ANTXR2: variants seen among roughly 807,000 people sequenced by gnomAD.
ANTXR2 encodes the protein anthrax toxin receptor 2.
Under a neutral mutation model 73.7 loss-of-function variants are expected in ANTXR2, and 44 were observed. The observed-to-expected ratio is 0.60, with a 90% CI of 0.47 to 0.77. The LOEUF is 0.77. ANTXR2 is among the 30% of genes least tolerant of loss of function. ANTXR2 has a pLI of 0.00. For missense variants in ANTXR2, 604 were observed against 592.5 expected (o/e 1.02, Z -0.20); for synonymous variants, 217 against 205.9 (o/e 1.05, Z -0.46).
rs904881756 is a variant in ANTXR2 at position 79,905,115 on chromosome 4, C to T, written c.*2314G>A. ...TTCATAGTAGCTGTATAACAATCTA[C>T]AGAAAGTTATTTTTCCATTTAAAGG... is the stretch of plus-strand genomic sequence containing the variant. On this transcript the variant is annotated 3_prime_UTR_variant, in exon 17 of 17. Coordinates refer to ENST00000403729, the MANE Select transcript of ANTXR2 (RefSeq NM_058172.6). The T allele has an allele frequency of 6.6e-6, 1 of 152,122 alleles. No individual in the cohort carries two copies. Among genetic ancestry groups the T allele is most frequent in the Non-Finnish European group, 1.5e-5 (1 of 68,002 alleles). The allele number at this position is 152,122 out of a possible 1,614,324, so 9.4% of individuals were successfully genotyped here.
At chr4:80,012,690 T>C (rs1303313046) in intron 11 of ANTXR2, among the ~76,000 whole-genome samples, 1 of 152,178 alleles carries the variant, frequency 6.6e-6, no homozygotes, top group Non-Finnish European at 1.5e-5. Flanking sequence ...ATAGCATTTA[T>C]CAGACTGCAA....
At chr4:79,917,313 G>C (rs1727394839) in intron 16 of ANTXR2, among the ~76,000 whole-genome samples, 1 of 151,600 alleles carries the variant, frequency 6.6e-6, no homozygotes, top group Non-Finnish European at 1.5e-5. Flanking sequence ...ATGGCAAGAG[G>C]AAAGAAAAAA....
At chr4:79,907,903 A>G (rs1726984068) in intron 16 of ANTXR2, among the ~76,000 whole-genome samples, 1 of 152,160 alleles carries the variant, frequency 6.6e-6, no homozygotes, top group Admixed American at 6.6e-5. Flanking sequence ...AGGAATCCCA[A>G]AAAAGGTATT....
chr4:80,004,598 C>A (rs968649476), intron 12 of ANTXR2, among the ~76,000 whole-genome samples: 1 of 152,090 alleles, frequency 6.6e-6, no homozygotes. Flanking sequence ...TATGGTTACA[C>A]TGCCTTCTTT....
chr4:79,973,042 A>G (rs568522071), intron 16 of ANTXR2, among the ~76,000 whole-genome samples: 1 of 152,302 alleles, frequency 6.6e-6, no homozygotes, highest in South Asian at 2.1e-4. Flanking sequence ...ACAAAGTGAA[A>G]GCATAGTGGA....
At chr4:80,038,841 T>G (rs1311108958) in intron 7 of ANTXR2, among the ~76,000 whole-genome samples, 1 of 151,990 alleles carries the variant, frequency 6.6e-6, no homozygotes, top group Non-Finnish European at 1.5e-5. Context: ...CTAAAGTTTG[T>G]TTTATTTATA....
chr4:80,071,449 T>G, intron 2 of ANTXR2, 134 bp downstream of exon 2: 1 of 721,044 alleles, frequency 1.4e-6, no homozygotes, highest in Non-Finnish European at 2.4e-6. Context: ...TAACAGCATG[T>G]GTGCAATACG....
At chr4:79,984,084 C>A in intron 13 of ANTXR2, 114 bp from the exon 14 acceptor site, 1 of 751,416 alleles carries the variant, frequency 1.3e-6, no homozygotes, top group Non-Finnish European at 2.1e-6. Context: ...ATGGAAAAAA[C>A]TATGTATAGA....
intron 7 of ANTXR2, among the ~76,000 whole-genome samples, chr4:80,042,349 G>A (rs1482899138): frequency 7.2e-5 from 11 of 152,040 alleles, no homozygotes. Context: ...AGGTTTCATA[G>A]TTCTAAAATT....
intron 12 of ANTXR2, among the ~76,000 whole-genome samples, chr4:79,995,723 C>T (rs1730692574): frequency 6.6e-6 from 1 of 151,878 alleles, no homozygotes; most frequent in African/African-American, 2.4e-5. Flanking sequence ...TTTTCAATAG[C>T]ATGCCATTAT....
intron 12 of ANTXR2, among the ~76,000 whole-genome samples, chr4:79,995,767 A>G (rs1171149724): frequency 6.6e-6 from 1 of 151,970 alleles, no homozygotes; most frequent in African/African-American, 2.4e-5. Flanking sequence ...CTTATTATAC[A>G]TTTAAAATGA....
intron 10 of ANTXR2, chr4:80,024,651 A>G (rs1732337878): frequency 2.3e-6 from 1 of 444,112 alleles, no homozygotes; most frequent in Non-Finnish European, 4.5e-6. Context: ...AGCCCCAGCT[A>G]CTCAGGAGGC....
Position 80,038,034 on chromosome 4 carries a change from G to A in ANTXR2, c.637-2002C>T, listed in dbSNP as rs1363469197. Among the ~76,000 whole-genome samples, 3 of 151,994 alleles carry A rather than the reference G, an allele frequency of 2.0e-5. 1 individual carries two copies. The highest frequency in any genetic ancestry group is 4.8e-5 in the African/African-American group (2 of 41,384). On this transcript the variant is annotated intron_variant, in intron 7 of 16. Transcript: ENST00000403729. Reference sequence around the variant, plus strand: ...TAGTTATTTAGCCACAGCTTTATCAGTATTACTGAAAAAATATTTCAAGTA... The same window carrying A: ...TAGTTATTTAGCCACAGCTTTATCAATATTACTGAAAAAATATTTCAAGTA...
At chr4:79,981,627 T>C (rs1316174427) in intron 14 of ANTXR2, among the ~76,000 whole-genome samples, 2 of 152,162 alleles carry the variant, frequency 1.3e-5, no homozygotes, top group Non-Finnish European at 1.5e-5. Flanking sequence ...TGTGCAAATG[T>C]CCTGAAATCT....
At chr4:80,048,876 A>G (rs1354683479) in intron 7 of ANTXR2, among the ~76,000 whole-genome samples, 1 of 151,708 alleles carries the variant, frequency 6.6e-6, no homozygotes, top group African/African-American at 2.4e-5. Context: ...GAATGTAGGT[A>G]CTTTTTGAAA....
At chr4:80,031,179 C>T (rs918495150) in intron 10 of ANTXR2, among the ~76,000 whole-genome samples, 1 of 151,760 alleles carries the variant, frequency 6.6e-6, no homozygotes, top group African/African-American at 2.4e-5. Context: ...CTTTTTTTAG[C>T]CATGTTCTTG....
chr4:79,933,454 A>T (rs1331253882), intron 16 of ANTXR2, among the ~76,000 whole-genome samples: 1 of 152,202 alleles, frequency 6.6e-6, no homozygotes, highest in East Asian at 1.9e-4. Flanking sequence ...CCACAGAAAA[A>T]ATCTGAAGTT....
chr4:80,054,327 T>C lies in ANTXR2; in HGVS notation c.581A>G (p.Glu194Gly). The C allele has an allele frequency of 6.3e-7, 1 of 1,593,338 alleles. No individual in the cohort carries two copies. Among genetic ancestry groups the C allele is most frequent in the Non-Finnish European group, 8.5e-7 (1 of 1,170,494 alleles). ...TCCACCTTTGACAGGGAAAACTTGC[T>C]CCTTGGAATCAGCAATTCTTTCAAG... ...AQLERIADSK[E>G]QVFPVKGGFQ... The change falls in exon 7 of 17, where the codon GAG becomes GGG. Residue 194 changes from glutamate to glycine, a missense_variant. Glu to Gly is a moderately conservative substitution (Grantham distance 98). Transcript: ENST00000403729.
intron 12 of ANTXR2, among the ~76,000 whole-genome samples, chr4:80,000,443 T>C (rs1012846097): frequency 2.6e-5 from 4 of 152,046 alleles, no homozygotes; most frequent in African/African-American, 7.2e-5. Flanking sequence ...ATTTTAAGAA[T>C]TGGGATAGGT....
Sources: allele counts gnomAD v4.1 joint callset (sites outside exome capture counted in the v4.1 genomes callset), GRCh38; gene constraint gnomAD v4.1.1; transcripts MANE v1.5; gene names NCBI Gene and HGNC (gene_info 2026-07-23, HGNC 2026-07-21).